Variants in PITPNC1 observed in about 807,000 individuals in gnomAD.
PITPNC1 encodes cytoplasmic phosphatidylinositol transfer protein 1.
A neutral mutation model predicts 44.7 loss-of-function variants in PITPNC1; 18 were observed. The ratio of observed to expected loss-of-function variants is 0.40; its 90% confidence interval spans 0.28 to 0.60. The LOEUF (loss-of-function observed/expected upper bound fraction) is 0.60, where lower values mean the gene tolerates loss of function less well. Ranked by LOEUF, PITPNC1 falls within the 20% of genes least tolerant of loss-of-function variation. The probability of loss-of-function intolerance (pLI) is 0.39; values close to 1 mark genes in which losing one functional copy is unlikely to be tolerated. For missense variants in PITPNC1, 290 were observed against 418.4 expected, an observed-to-expected ratio of 0.69 and a Z score of 2.68; for synonymous variants, 141 against 149.6, an observed-to-expected ratio of 0.94 and a Z score of 0.42.
intron 1 of PITPNC1, among the ~76,000 whole-genome samples, chr17:67,472,214 C>T (rs1432088751): frequency 6.6e-6 from 1 of 151,728 alleles, no homozygotes; most frequent in Admixed American, 6.6e-5. Context: ...GCTAATTTCC[C>T]TTTCCATACT....
chr17:67,581,968 G>A (rs1234300786), intron 5 of PITPNC1, among the ~76,000 whole-genome samples: 2 of 152,130 alleles, frequency 1.3e-5, no homozygotes, highest in Non-Finnish European at 2.9e-5. Context: ...GGGAGGCAGA[G>A]GTTGCCGTGA....
At chr17:67,649,821 C>T (rs2042190012) in intron 6 of PITPNC1, among the ~76,000 whole-genome samples, 1 of 151,994 alleles carries the variant, frequency 6.6e-6, no homozygotes, top group South Asian at 2.1e-4. Context: ...CTCAGGAAAA[C>T]ATTTACTTAG....
intron 8 of PITPNC1, 70 bp from the exon 9 acceptor site, chr17:67,692,502 G>T: frequency 9.5e-7 from 1 of 1,055,534 alleles, no homozygotes. Context: ...TAAAAACAAG[G>T]GTAGTGATGA....
At chr17:67,425,337 G>A (rs2038747925) in intron 1 of PITPNC1, among the ~76,000 whole-genome samples, 1 of 151,216 alleles carries the variant, frequency 6.6e-6, no homozygotes, top group Admixed American at 6.6e-5. Flanking sequence ...GAACCCCTCA[G>A]AAATGGTCAC....
chr17:67,487,774 G>A (rs2039801558), intron 1 of PITPNC1, among the ~76,000 whole-genome samples: 3 of 152,138 alleles, frequency 2.0e-5, no homozygotes, highest in Admixed American at 6.5e-5. Flanking sequence ...TGAGGGTGGG[G>A]GAGCAGGATG....
chr17:67,523,806 CGTTTTTTT>C (rs1266610250), intron 1 of PITPNC1, among the ~76,000 whole-genome samples: 3 of 127,632 alleles, frequency 2.4e-5, no homozygotes, highest in Non-Finnish European at 3.3e-5. Context: ...ACATGGAAAC[CGTTTTTTT>C]TTTTTTTTTT....
intron 8 of PITPNC1, among the ~76,000 whole-genome samples, chr17:67,690,548 T>G (rs941555680): frequency 1.3e-5 from 2 of 152,176 alleles, no homozygotes; most frequent in African/African-American, 4.8e-5. Context: ...TATTGTTTCC[T>G]GCTGGTTATT....
rs193236774 is a variant in PITPNC1 at position 67,478,799 on chromosome 17, A to G, written c.49-54003A>G. Among the ~76,000 whole-genome samples, 623 of 152,236 alleles carry G rather than the reference A, an allele frequency of 4.1e-3. 5 individuals carry two copies. Among genetic ancestry groups the G allele is most frequent in the Middle Eastern group, 0.01 (3 of 294 alleles). The stretch of plus-strand genomic sequence containing the variant: ...GCACAGAAGCCATTCATTAGTTGCC[A>G]CTAGCAAGAAGACTTGGCCAATGCT... On this transcript the variant is annotated intron_variant, in intron 1 of 8. Transcript: ENST00000581322.
At chr17:67,404,659 A>G (rs1307765286) in intron 1 of PITPNC1, among the ~76,000 whole-genome samples, 1 of 152,248 alleles carries the variant, frequency 6.6e-6, no homozygotes, top group Non-Finnish European at 1.5e-5. Flanking sequence ...GATATTTTCA[A>G]AATATATTTT....
At chr17:67,576,729 G>C (rs534565100) in intron 4 of PITPNC1, among the ~76,000 whole-genome samples, 1 of 152,206 alleles carries the variant, frequency 6.6e-6, no homozygotes, top group Non-Finnish European at 1.5e-5. Flanking sequence ...GACTGGGGCT[G>C]TAGGGCTGGG....
intron 1 of PITPNC1, among the ~76,000 whole-genome samples, chr17:67,523,806 CGTT>C (rs2052565322): frequency 1.6e-5 from 2 of 127,632 alleles, no homozygotes; most frequent in Admixed American, 8.6e-5. Context: ...ACATGGAAAC[CGTT>C]TTTTTTTTTT....
chr17:67,603,755 C>A (rs1360556131), intron 5 of PITPNC1, among the ~76,000 whole-genome samples: 1 of 152,008 alleles, frequency 6.6e-6, no homozygotes, highest in Non-Finnish European at 1.5e-5. Flanking sequence ...CAAGGTGAAA[C>A]CCTGTCTCTA....
intron 6 of PITPNC1, among the ~76,000 whole-genome samples, chr17:67,655,558 C>CAAAAAA (rs796111267): frequency 4.0e-4 from 17 of 42,080 alleles, no homozygotes; most frequent in African/African-American, 9.3e-4. Flanking sequence ...AGACTCATCT[C>CAAAAAA]AAAAAAAAAA....
chr17:67,549,034 C>T (rs960653754), intron 2 of PITPNC1, among the ~76,000 whole-genome samples: 5 of 152,074 alleles, frequency 3.3e-5, no homozygotes, highest in African/African-American at 9.7e-5. Flanking sequence ...GTGAGGAAAT[C>T]GGGGGCTGAG....
intron 1 of PITPNC1, among the ~76,000 whole-genome samples, chr17:67,435,340 C>G (rs1314047050): frequency 6.6e-6 from 1 of 152,160 alleles, no homozygotes; most frequent in South Asian, 2.1e-4. Flanking sequence ...CTTCACTAAA[C>G]GTGACACCCT....
At chr17:67,600,679 C>T (rs184944040) in intron 5 of PITPNC1, among the ~76,000 whole-genome samples, 165 of 151,772 alleles carry the variant, frequency 1.1e-3, no homozygotes, top group African/African-American at 3.0e-3. Flanking sequence ...TTTTTAAATA[C>T]ATAGTTAAAT....
At chr17:67,619,140 C>T (rs1198154195) in intron 5 of PITPNC1, among the ~76,000 whole-genome samples, 2 of 151,996 alleles carry the variant, frequency 1.3e-5, no homozygotes, top group African/African-American at 2.4e-5. Flanking sequence ...AGCAACCAAC[C>T]CTAGAGGATA....
At chr17:67,389,741 G>A (rs367613585) in intron 1 of PITPNC1, among the ~76,000 whole-genome samples, 5 of 152,110 alleles carry the variant, frequency 3.3e-5, no homozygotes, top group East Asian at 1.9e-4. Flanking sequence ...GTGCTATGGC[G>A]CAATCTCGGC....
chr17:67,572,633 G>C (rs1251209479), intron 4 of PITPNC1, among the ~76,000 whole-genome samples: 1 of 151,942 alleles, frequency 6.6e-6, no homozygotes, highest in Non-Finnish European at 1.5e-5. Flanking sequence ...GATACGCGCT[G>C]TGATAAAGGG....
Sources: allele counts gnomAD v4.1 joint callset (sites outside exome capture counted in the v4.1 genomes callset), GRCh38; gene constraint gnomAD v4.1.1; transcripts MANE v1.5; gene names NCBI Gene and HGNC (gene_info 2026-07-23, HGNC 2026-07-21).